The following FHOD3 variants were observed in gnomAD, a reference collection of about 807,000 sequenced individuals.
FHOD3 encodes formin homology 2 domain containing 3.
Under a neutral mutation model 173.0 loss-of-function variants are expected in FHOD3, and 90 were observed. The observed-to-expected ratio is 0.52, with a 90% CI of 0.44 to 0.62. The LOEUF (loss-of-function observed/expected upper bound fraction) is 0.62, where lower values mean the gene tolerates loss of function less well. Ranked by LOEUF, FHOD3 falls within the 20% of genes least tolerant of loss-of-function variation. FHOD3 has a pLI of 0.00. For synonymous variants in FHOD3, 828 were observed against 823.0 expected (o/e 1.01, Z -0.10); for missense variants, 1,945 against 2,034.7 (o/e 0.96, Z 0.85).
intron 1 of FHOD3, among the ~76,000 whole-genome samples, chr18:36,353,513 A>G (rs901425967): frequency 6.6e-6 from 1 of 152,230 alleles, no homozygotes; most frequent in Non-Finnish European, 1.5e-5. Context: ...CAGATTATCA[A>G]GCATTCATCT....
chr18:36,633,689 C>G (rs1325934387), intron 10 of FHOD3, among the ~76,000 whole-genome samples: 3 of 152,168 alleles, frequency 2.0e-5, no homozygotes, highest in Non-Finnish European at 4.4e-5. Flanking sequence ...AAAGTACTCT[C>G]TGAATCTATA....
intron 1 of FHOD3, among the ~76,000 whole-genome samples, chr18:36,328,702 G>A (rs957139884): frequency 2.6e-5 from 4 of 152,166 alleles, no homozygotes; most frequent in Non-Finnish European, 4.4e-5. Flanking sequence ...TCCTGAATAT[G>A]TCATGAAGAC....
In FHOD3 at chr18:36,718,315, T is replaced by C; in HGVS notation, c.3017T>C (p.Ile1006Thr). ...DFTDLGEEDD[I>T]DVLDVDLGHR... Reference sequence around the variant, plus strand: ...ACTGACCTGGGGGAGGAGGATGACATTGATGTCCTAGATGTGGACCTGGGT... The same window carrying C: ...ACTGACCTGGGGGAGGAGGATGACACTGATGTCCTAGATGTGGACCTGGGT... The change falls in exon 19 of 29, where the codon ATT becomes ACT. Residue 1006 changes from isoleucine to threonine, a missense_variant. Ile to Thr is a moderately conservative substitution (Grantham distance 89). Transcript: ENST00000590592. The C allele has an allele frequency of 1.2e-6, 2 of 1,614,020 alleles. No homozygotes were observed. Among genetic ancestry groups the C allele is most frequent in the Non-Finnish European group, 1.7e-6 (2 of 1,180,016 alleles).
At chr18:36,330,639 T>G (rs2056015) in intron 1 of FHOD3, among the ~76,000 whole-genome samples, 54,675 of 152,100 alleles carry the variant, frequency 0.36, 11,960 homozygotes, top group Non-Finnish European at 0.5. Flanking sequence ...GGATCAAGCC[T>G]GTGAAAAGCT....
intron 14 of FHOD3, among the ~76,000 whole-genome samples, chr18:36,674,885 T>C (rs1400062550): frequency 2.6e-5 from 4 of 152,202 alleles, no homozygotes; most frequent in Non-Finnish European, 5.9e-5. Context: ...GAGAATACTC[T>C]ATGATGCACA....
intron 20 of FHOD3, among the ~76,000 whole-genome samples, chr18:36,739,491 A>G (rs1191234367): frequency 1.3e-5 from 2 of 152,216 alleles, no homozygotes; most frequent in South Asian, 2.1e-4. Flanking sequence ...TGCATCATAT[A>G]TCTACAAAAA....
intron 3 of FHOD3, among the ~76,000 whole-genome samples, chr18:36,381,516 A>G (rs2047786282): frequency 6.6e-6 from 1 of 152,118 alleles, no homozygotes; most frequent in South Asian, 2.1e-4. Flanking sequence ...GCTGCCCGAG[A>G]GGAGGATGAG....
intron 24 of FHOD3, among the ~76,000 whole-genome samples, chr18:36,749,453 G>T (rs1181707934): frequency 6.6e-6 from 1 of 152,108 alleles, no homozygotes. Context: ...TCCCGTGTTG[G>T]TTTGCTAAGG....
chr18:36,368,555 C>A (rs2047013704), intron 2 of FHOD3, among the ~76,000 whole-genome samples: 1 of 152,146 alleles, frequency 6.6e-6, no homozygotes, highest in African/African-American at 2.4e-5. Context: ...AGCTCCATTG[C>A]TTAACTTTTC....
At chr18:36,779,182 A>T in intron 28 of FHOD3, 1 of 505,460 alleles carries the variant, frequency 2.0e-6, no homozygotes, top group Non-Finnish European at 3.5e-6. Flanking sequence ...TCTCCTCTTT[A>T]TAAGTGCCCG....
chr18:36,600,003 A>G (rs1424558750), intron 7 of FHOD3, among the ~76,000 whole-genome samples: 2 of 152,064 alleles, frequency 1.3e-5, no homozygotes, highest in African/African-American at 4.8e-5. Flanking sequence ...GAGACAGATG[A>G]CAATGATTAA....
intron 24 of FHOD3, among the ~76,000 whole-genome samples, chr18:36,751,181 T>C (rs1170129941): frequency 6.6e-6 from 1 of 152,200 alleles, no homozygotes; most frequent in Non-Finnish European, 1.5e-5. Context: ...ATTCTCATTG[T>C]AGATATCTTT....
intron 3 of FHOD3, among the ~76,000 whole-genome samples, chr18:36,454,955 C>G (rs1234883508): frequency 6.6e-6 from 1 of 152,216 alleles, no homozygotes; most frequent in African/African-American, 2.4e-5. Context: ...TCACCTTTCT[C>G]TCATCTGCAG....
intron 25 of FHOD3, among the ~76,000 whole-genome samples, chr18:36,757,923 C>T (rs1041331128): frequency 6.6e-6 from 1 of 152,170 alleles, no homozygotes; most frequent in African/African-American, 2.4e-5. Flanking sequence ...CTGGTCAATC[C>T]CAGGCCTCCC....
rs765124539 is a variant in FHOD3, at chr18:36,298,012, C to T, written c.165+12C>T. On this transcript the variant is annotated intron_variant, in intron 1 of 28. Transcript: ENST00000590592. ...AGGCGCCGCACAAGGTACGACCCGG[C>T]GGGGTGGGCTGGGCCCCCTGGACTC... 35 of 1,525,334 alleles carry T rather than the reference C, an allele frequency of 2.3e-5. No homozygotes were observed. The highest frequency in any genetic ancestry group is 3.0e-5 in the Non-Finnish European group (34 of 1,137,380). 94.5% of individuals were successfully genotyped at this position (1,525,334 alleles called of 1,614,324 possible). A position where few individuals can be genotyped will look rare whatever the true frequency, so the allele number is the denominator to read the frequency against.
intron 10 of FHOD3, among the ~76,000 whole-genome samples, chr18:36,636,797 G>T (rs2034922019): frequency 6.6e-6 from 1 of 152,090 alleles, no homozygotes; most frequent in South Asian, 2.1e-4. Context: ...TCCTTGGATA[G>T]AGCAGGGATG....
chr18:36,560,224 C>G (rs544127595), intron 5 of FHOD3, among the ~76,000 whole-genome samples: 15 of 152,200 alleles, frequency 9.9e-5, no homozygotes, highest in Non-Finnish European at 1.8e-4. Flanking sequence ...GGTAGTTAGT[C>G]TGGGCCTTGC....
chr18:36,653,448 T>C, intron 13 of FHOD3, 32 bp downstream of exon 13: 2 of 1,424,790 alleles, frequency 1.4e-6, no homozygotes, highest in South Asian at 2.6e-5. Context: ...CCCTTTTCTG[T>C]AGCTTTCTGT....
intron 21 of FHOD3, 119 bp from the exon 22 acceptor site, chr18:36,742,618 G>A (rs2041957822): frequency 1.3e-5 from 14 of 1,108,426 alleles, no homozygotes; most frequent in South Asian, 6.1e-5. Context: ...TGCCCATCGC[G>A]GGGGATTGCC....
Sources: allele counts gnomAD v4.1 joint callset (sites outside exome capture counted in the v4.1 genomes callset), GRCh38; gene constraint gnomAD v4.1.1; transcripts MANE v1.5; gene names NCBI Gene and HGNC (gene_info 2026-07-23, HGNC 2026-07-21).